The following LRRC37A2 variants were observed in gnomAD, a reference collection of about 807,000 sequenced individuals.
LRRC37A2 encodes leucine rich repeat containing 37 member A2.
In LRRC37A2, 9 loss-of-function variants were observed where a neutral mutation model predicts 68.8. The observed-to-expected ratio is 0.13, with a 90% CI of 0.08 to 0.23. The LOEUF is 0.23. Among genes scored for constraint, LRRC37A2 ranks in the 10% least tolerant of loss-of-function variants. The pLI is 1.00. For missense variants in LRRC37A2, 168 were observed against 950.4 expected, an observed-to-expected ratio of 0.18 and a Z score of 10.82; for synonymous variants, 63 against 367.6, an observed-to-expected ratio of 0.17 and a Z score of 9.48.
the LRRC37A2 span, among the ~76,000 whole-genome samples, chr17:46,724,536 G>A: frequency 3.3e-5 from 5 of 152,088 alleles, no homozygotes; most frequent in African/African-American, 1.2e-4. Context: ...ATTAACCAAA[G>A]CAAGCCCCAT....
At chr17:46,923,581 A>G in the LRRC37A2 span, 1 of 1,304,128 alleles carries the variant, frequency 7.7e-7, no homozygotes, top group Non-Finnish European at 9.7e-7. Context: ...GACACGGAGT[A>G]GGAGACACGG....
the LRRC37A2 span, chr17:46,751,519 A>G: frequency 2.2e-5 from 36 of 1,613,864 alleles, no homozygotes; most frequent in Non-Finnish European, 3.0e-5. Context: ...GGCAACTTCA[A>G]GGATAAGGAA....
At chr17:46,908,326 C>T in the LRRC37A2 span, among the ~76,000 whole-genome samples, 2 of 152,160 alleles carry the variant, frequency 1.3e-5, no homozygotes, top group Non-Finnish European at 2.9e-5. Flanking sequence ...AAGAGGGGTC[C>T]TCTCACCCTA....
At chr17:46,976,359 C>A in the LRRC37A2 span, among the ~76,000 whole-genome samples, 4 of 151,000 alleles carry the variant, frequency 2.6e-5, no homozygotes, top group Non-Finnish European at 4.4e-5. Context: ...ATGGTGAAAC[C>A]CGGTCTCTAC....
chr17:46,899,729 ACAACC>A, the LRRC37A2 span, among the ~76,000 whole-genome samples: 1 of 152,160 alleles, frequency 6.6e-6, no homozygotes, highest in Non-Finnish European at 1.5e-5. Context: ...CTGAGTATAT[ACAACC>A]CACTGAATTG....
chr17:46,759,614 G>A, the LRRC37A2 span, among the ~76,000 whole-genome samples: 3 of 152,130 alleles, frequency 2.0e-5, no homozygotes, highest in Non-Finnish European at 2.9e-5. Context: ...GACTTCACTC[G>A]AGTGTGCAGA....
At chr17:46,929,627 C>T in the LRRC37A2 span, 1 of 975,504 alleles carries the variant, frequency 1.0e-6, no homozygotes, top group South Asian at 1.3e-5. Flanking sequence ...TCTCTGATGA[C>T]AGGGTGCTAA....
the LRRC37A2 span, among the ~76,000 whole-genome samples, chr17:47,003,599 G>C: frequency 6.6e-6 from 1 of 152,254 alleles, no homozygotes; most frequent in African/African-American, 2.4e-5. Context: ...GTTTCTCACA[G>C]GGCTGACCAT....
the LRRC37A2 span, among the ~76,000 whole-genome samples, chr17:46,691,914 A>G: frequency 6.6e-6 from 1 of 151,212 alleles, no homozygotes; most frequent in African/African-American, 2.5e-5. Context: ...CACCACACCC[A>G]GCTAATTTTT....
the LRRC37A2 span, among the ~76,000 whole-genome samples, chr17:47,030,113 A>G: frequency 8.0e-6 from 1 of 125,472 alleles, no homozygotes; most frequent in Non-Finnish European, 1.7e-5. Flanking sequence ...CATCATCATC[A>G]TCATCATCAT....
the LRRC37A2 span, chr17:46,939,174 A>G: frequency 1.8e-6 from 2 of 1,095,654 alleles, no homozygotes; most frequent in Non-Finnish European, 2.2e-6. Context: ...GGGTGGAGCA[A>G]AAGTGGAAAG....
chr17:46,728,783 A>G, the LRRC37A2 span: 2 of 1,150,870 alleles, frequency 1.7e-6, no homozygotes, highest in East Asian at 4.9e-5. Flanking sequence ...CAAAAAAAAA[A>G]AACAAAAACT....
the LRRC37A2 span, chr17:46,756,927 C>G: frequency 1.6e-3 from 245 of 152,684 alleles, no homozygotes; most frequent in Middle Eastern, 3.4e-3. Flanking sequence ...ATTTGTCTTA[C>G]AACTGACTGA....
At chr17:46,825,020 C>T in the LRRC37A2 span, among the ~76,000 whole-genome samples, 1 of 152,244 alleles carries the variant, frequency 6.6e-6, no homozygotes, top group Non-Finnish European at 1.5e-5. Context: ...TGTGCCACAC[C>T]TCTTTCTCCT....
the LRRC37A2 span, among the ~76,000 whole-genome samples, chr17:46,742,167 A>G: frequency 1.3e-5 from 2 of 152,230 alleles, no homozygotes; most frequent in African/African-American, 4.8e-5. Flanking sequence ...ATTAAAAGAG[A>G]TAAGCCAGAC....
At chr17:46,760,843 C>CTGT in the LRRC37A2 span, among the ~76,000 whole-genome samples, 1 of 152,108 alleles carries the variant, frequency 6.6e-6, no homozygotes, top group African/African-American at 2.4e-5. Context: ...GCAGTCTAAA[C>CTGT]TGTTTCATGC....
chr17:46,708,820 A>ATTT, the LRRC37A2 span, among the ~76,000 whole-genome samples: 14 of 98,546 alleles, frequency 1.4e-4, no homozygotes, highest in African/African-American at 5.8e-4. Flanking sequence ...ATATATATAT[A>ATTT]TATTTTTTTT....
At chr17:46,493,306 C>T in the LRRC37A2 span, among the ~76,000 whole-genome samples, 9 of 127,376 alleles carry the variant, frequency 7.1e-5, 1 homozygote, top group African/African-American at 2.2e-4. Flanking sequence ...ATTGCAAGTG[C>T]GCACCACCAC....
the LRRC37A2 span, among the ~76,000 whole-genome samples, chr17:46,759,705 G>A: frequency 1.3e-5 from 2 of 152,054 alleles, no homozygotes; most frequent in Non-Finnish European, 2.9e-5. Context: ...GAATCATGTC[G>A]CCATCATGTT....
Sources: allele counts gnomAD v4.1 joint callset (sites outside exome capture counted in the v4.1 genomes callset), GRCh38; gene constraint gnomAD v4.1.1; transcripts MANE v1.5; gene names NCBI Gene and HGNC (gene_info 2026-07-23, HGNC 2026-07-21).